ARNT2: variants seen among roughly 807,000 people sequenced by gnomAD.
ARNT2 encodes the protein ARNT protein 2.
ARNT2 carries 36 observed loss-of-function variants against 91.7 expected under a neutral mutation model. The observed-to-expected ratio is 0.39, with a 90% CI of 0.30 to 0.52. ARNT2 has a LOEUF of 0.52. ARNT2 is among the 20% of genes least tolerant of loss of function. The pLI, the probability that ARNT2 is intolerant of heterozygous loss-of-function variation, is 0.72. For synonymous variants in ARNT2, 365 were observed against 347.1 expected, an observed-to-expected ratio of 1.05 and a Z score of -0.57; for missense variants, 775 against 939.3, an observed-to-expected ratio of 0.83 and a Z score of 2.29.
At chr15:80,569,258 G>T (rs576138144) in intron 12 of ARNT2, among the ~76,000 whole-genome samples, 3 of 152,116 alleles carry the variant, frequency 2.0e-5, no homozygotes, top group African/African-American at 7.2e-5. Flanking sequence ...CCTGCACCTC[G>T]CCGGCAGGAA....
chr15:80,574,790 G>A (rs959861435), intron 13 of ARNT2, among the ~76,000 whole-genome samples, 197 bp from the exon 14 acceptor site: 10 of 152,030 alleles, frequency 6.6e-5, no homozygotes, highest in African/African-American at 1.7e-4. Context: ...TCAGTTCACC[G>A]CCCCCTAACC....
chr15:80,427,728 T>A (rs960897808), intron 1 of ARNT2, among the ~76,000 whole-genome samples: 1 of 152,238 alleles, frequency 6.6e-6, no homozygotes, highest in Non-Finnish European at 1.5e-5. Context: ...ACCCTGCTGC[T>A]TACCCAGGCC....
intron 8 of ARNT2, among the ~76,000 whole-genome samples, chr15:80,544,415 T>C (rs1897958888): frequency 6.6e-6 from 1 of 152,252 alleles, no homozygotes; most frequent in Non-Finnish European, 1.5e-5. Context: ...GTTCATTGCC[T>C]GATATCTAGT....
intron 8 of ARNT2, among the ~76,000 whole-genome samples, chr15:80,528,215 G>A (rs1416005624): frequency 6.6e-6 from 1 of 151,810 alleles, no homozygotes; most frequent in Non-Finnish European, 1.5e-5. Flanking sequence ...CACAGCTGGC[G>A]GGTGGGGACG....
At chr15:80,528,105 C>A (rs981748964) in intron 8 of ARNT2, among the ~76,000 whole-genome samples, 9 of 152,116 alleles carry the variant, frequency 5.9e-5, no homozygotes, top group African/African-American at 2.2e-4. Flanking sequence ...CGAACTAGGG[C>A]AGCAGCCGTG....
chr15:80,416,140 T>C (rs1165562574), intron 1 of ARNT2, among the ~76,000 whole-genome samples: 1 of 152,232 alleles, frequency 6.6e-6, no homozygotes. Context: ...AAGAGATGTG[T>C]CCATCACAAG....
chr15:80,492,166 G>A (rs1373519944), intron 5 of ARNT2, among the ~76,000 whole-genome samples: 1 of 152,024 alleles, frequency 6.6e-6, no homozygotes, highest in Non-Finnish European at 1.5e-5. Context: ...TTAGCCTCCT[G>A]AGTAATTGGG....
chr15:80,413,583 A>G (rs546653661), intron 1 of ARNT2, among the ~76,000 whole-genome samples: 157 of 152,296 alleles, frequency 1.0e-3, no homozygotes, highest in African/African-American at 3.4e-3. Flanking sequence ...TTTTCTTCCA[A>G]CAACTCTAAA....
At position 80,519,502 on chromosome 15, in the gene ARNT2, C is replaced by A. The variant is rs1449201882; in HGVS notation, c.877+5097C>A. ...TAAACAGTAGAGCAGAGGAAGCAAT[C>A]AGATATGCTTTTGTGTCAGGTGAGC... On this transcript the variant is annotated intron_variant, in intron 8 of 18. Transcript: ENST00000303329. Among the ~76,000 whole-genome samples the A allele has an allele frequency of 2.0e-5, 3 of 152,128 alleles. No homozygotes were observed. The East Asian group carries it at 5.8e-4, about 29-fold the overall frequency.
chr15:80,566,876 C>A (rs1898494387), intron 12 of ARNT2, among the ~76,000 whole-genome samples: 1 of 152,126 alleles, frequency 6.6e-6, no homozygotes, highest in East Asian at 1.9e-4. Flanking sequence ...AGTCATAGTT[C>A]CAGGTGTGCA....
At chr15:80,563,754 C>T (rs1177692490) in intron 12 of ARNT2, among the ~76,000 whole-genome samples, 1 of 152,206 alleles carries the variant, frequency 6.6e-6, no homozygotes, top group East Asian at 1.9e-4. Context: ...CCTCCCTGCC[C>T]AGGGTCCGAG....
Position 80,467,645 on chromosome 15 carries a change from G to C in ARNT2, c.195-2573G>C, listed in dbSNP as rs140366110. On this transcript the variant is annotated intron_variant, in intron 3 of 18. Coordinates refer to ENST00000303329, the MANE Select transcript of ARNT2 (RefSeq NM_014862.4). ...TCTTACAACGCCCATCAGCGGCCAGGGTGCCTGCCCAGCATCTTGCAAGGT... is the reference window on the plus strand; with the variant it reads ...TCTTACAACGCCCATCAGCGGCCAGCGTGCCTGCCCAGCATCTTGCAAGGT... Among the ~76,000 whole-genome samples, 8 of 152,344 alleles carry C rather than the reference G, an allele frequency of 5.3e-5. No individual in the cohort carries two copies. The East Asian group carries it at 1.5e-3, about 29-fold the overall frequency.
chr15:80,503,281 G>C (rs1897225200), intron 5 of ARNT2, among the ~76,000 whole-genome samples: 1 of 152,200 alleles, frequency 6.6e-6, no homozygotes, highest in Admixed American at 6.5e-5. Context: ...ATGGCCACTT[G>C]ATTTTGTACA....
chr15:80,417,070 A>G (rs1189701487), intron 1 of ARNT2, among the ~76,000 whole-genome samples: 6 of 152,234 alleles, frequency 3.9e-5, no homozygotes, highest in African/African-American at 1.4e-4. Flanking sequence ...CATTTAACAA[A>G]TAAAATAATT....
At chr15:80,553,059 CTT>C (rs751299058) in intron 10 of ARNT2, among the ~76,000 whole-genome samples, 1 of 152,178 alleles carries the variant, frequency 6.6e-6, no homozygotes, top group Non-Finnish European at 1.5e-5. Context: ...TAGGGGATCT[CTT>C]ATTAATATTC....
At chr15:80,497,024 A>G (rs186890274) in intron 5 of ARNT2, among the ~76,000 whole-genome samples, 4 of 152,272 alleles carry the variant, frequency 2.6e-5, no homozygotes, top group East Asian at 3.9e-4. Context: ...TGCTTTCACA[A>G]CGTTTGTAAT....
intron 3 of ARNT2, among the ~76,000 whole-genome samples, chr15:80,469,196 G>A (rs915026372): frequency 6.6e-6 from 1 of 152,168 alleles, no homozygotes; most frequent in Non-Finnish European, 1.5e-5. Flanking sequence ...CAAGCCTGAA[G>A]GTAAAAAGCC....
chr15:80,557,751 C>T (rs1898220540), intron 11 of ARNT2, among the ~76,000 whole-genome samples: 1 of 152,146 alleles, frequency 6.6e-6, no homozygotes, highest in Admixed American at 6.6e-5. Context: ...CATTCAGCCC[C>T]TCCTCTCTTT....
chr15:80,406,050 G>T (rs1423290800), intron 1 of ARNT2, among the ~76,000 whole-genome samples: 2 of 152,174 alleles, frequency 1.3e-5, no homozygotes, highest in African/African-American at 4.8e-5. Flanking sequence ...ATGAAATGAG[G>T]CAGGTGCTGG....
Sources: allele counts gnomAD v4.1 joint callset (sites outside exome capture counted in the v4.1 genomes callset), GRCh38; gene constraint gnomAD v4.1.1; transcripts MANE v1.5; gene names NCBI Gene and HGNC (gene_info 2026-07-23, HGNC 2026-07-21).